The following DOK4 variants were observed in gnomAD, a reference collection of about 807,000 sequenced individuals.
The protein encoded by DOK4 is docking protein 4, also known as downstream of tyrosine kinase 4.
DOK4 carries 26 observed loss-of-function variants against 40.1 expected under a neutral mutation model. That is an observed-to-expected ratio of 0.65 (90% confidence interval 0.48 to 0.90). DOK4 has a LOEUF of 0.90. Among genes scored for constraint, DOK4 ranks in the 40% least tolerant of loss-of-function variants. The pLI is 0.00. For synonymous variants in DOK4, 179 were observed against 177.0 expected, an observed-to-expected ratio of 1.01 and a Z score of -0.09; for missense variants, 392 against 437.2, an observed-to-expected ratio of 0.90 and a Z score of 0.92.
rs1346437625 is a variant in DOK4 at position 57,485,855 on chromosome 16, G to T, written c.-182+450C>A. Among the ~76,000 whole-genome samples the T allele has an allele frequency of 6.6e-6, 1 of 152,186 alleles. No individual in the cohort carries two copies. The highest frequency in any genetic ancestry group is 1.5e-5 in the Non-Finnish European group (1 of 68,034). ...CCATAGGCAGGAGGGGGTCGGCAGTGGGGGCCAGCTGGGGTACAGAAAATC... is the reference window on the plus strand; with the variant it reads ...CCATAGGCAGGAGGGGGTCGGCAGTTGGGGCCAGCTGGGGTACAGAAAATC... On this transcript the variant is annotated intron_variant, in intron 1 of 8. Transcript: ENST00000340099. This position sits in a 1 kb window ranked among gnomAD's most constrained non-coding sequence, Gnocchi z 4.3.
At chr16:57,482,821 G>T (rs1275496846) in intron 1 of DOK4, among the ~76,000 whole-genome samples, 2 of 152,170 alleles carry the variant, frequency 1.3e-5, no homozygotes, top group African/African-American at 4.8e-5. Context: ...AGGGCTGTGT[G>T]TATGTATATA....
At chr16:57,482,310 T>C (rs1396158115) in intron 1 of DOK4, among the ~76,000 whole-genome samples, 1 of 150,178 alleles carries the variant, frequency 6.7e-6, no homozygotes, top group Non-Finnish European at 1.5e-5. Context: ...CGCAGGTACA[T>C]ACCACCATGC....
At chr16:57,475,693 TCTCCCTCC>T in intron 3 of DOK4, 73 bp from the exon 4 acceptor site, 1 of 480,480 alleles carries the variant, frequency 2.1e-6, no homozygotes, top group Non-Finnish European at 3.5e-6. Flanking sequence ...TCTCTCTCTC[TCTCCCTCC>T]CTCCCTCTCT....
intron 2 of DOK4, among the ~76,000 whole-genome samples, chr16:57,477,333 A>G (rs1288035028): frequency 2.0e-5 from 3 of 152,160 alleles, no homozygotes; most frequent in Admixed American, 6.5e-5. Context: ...TGTCCTACCC[A>G]CCTAAACCAC....
chr16:57,482,065 C>T lies in DOK4; in HGVS notation c.-181-2377G>A, dbSNP rs1375962467. On this transcript the variant is annotated intron_variant, in intron 1 of 8. Coordinates refer to ENST00000340099, the Ensembl canonical transcript of DOK4. ...ATTTTTAGTAGAGACGGGGTTTCAC[C>T]GTGTTAGCCAGGATGGTCTCGATCT... 3.3e-5 allele frequency among the ~76,000 whole-genome samples: 5 copies of T among 152,106 alleles called. No homozygotes were observed. In the East Asian group the frequency reaches 5.8e-4, roughly 18 times the overall value.
chr16:57,475,371 G>A, intron 4 of DOK4, 135 bp downstream of exon 4: 1 of 1,419,424 alleles, frequency 7.0e-7, no homozygotes, highest in Non-Finnish European at 9.6e-7. Context: ...CCTGCTCCCT[G>A]AAAGCACCCC....
rs565711800 is a variant in DOK4, at chr16:57,474,758, T to C, written c.599+35A>G. ...GTGAATGGCAGCCACCATCACACCATAGTAGGACAGGGCTGGGAGGCGAGA... is the reference window on the plus strand; with the variant it reads ...GTGAATGGCAGCCACCATCACACCACAGTAGGACAGGGCTGGGAGGCGAGA... On this transcript the variant is annotated intron_variant, in intron 6 of 8. Transcript: ENST00000340099. 8.1e-6 allele frequency: 13 copies of C among 1,605,976 alleles called. No individual in the cohort carries two copies. In the South Asian group the frequency reaches 1.3e-4, roughly 16 times the overall value.
rs1366587542 is a variant in DOK4 at position 57,472,008 on chromosome 16, T to G, written c.*1369A>C. ...TGGCAATAAAGAGCACAACATAATCTCCTTCATGCGTCATCGTGCCACTTA... is the reference window on the plus strand; with the variant it reads ...TGGCAATAAAGAGCACAACATAATCGCCTTCATGCGTCATCGTGCCACTTA... On this transcript the variant is annotated 3_prime_UTR_variant, in exon 9 of 9. Coordinates refer to ENST00000340099, the Ensembl canonical transcript of DOK4. 2.0e-5 allele frequency: 3 copies of G among 152,796 alleles called. No individual in the cohort carries two copies. In the East Asian group the frequency reaches 5.8e-4, roughly 29 times the overall value. The allele number at this position is 152,796 out of a possible 1,614,324, so 9.5% of individuals were successfully genotyped here.
chr16:57,479,292 C>A lies in DOK4; in HGVS notation c.66+150G>T. 1.2e-6 allele frequency: 1 copy of A among 839,962 alleles called. No homozygotes were observed. The highest frequency in any genetic ancestry group is 1.7e-5 in the South Asian group (1 of 58,366). 52.0% of individuals were successfully genotyped at this position (839,962 alleles called of 1,614,324 possible). A position where few individuals can be genotyped will look rare whatever the true frequency, so the allele number is the denominator to read the frequency against. ...CAGCCCAGGCACATGCCAGGCAGCA[C>A]GCTGGCGAGGAGCCCCGAGACCACA... On this transcript the variant is annotated intron_variant, in intron 2 of 8. Coordinates refer to ENST00000340099, the Ensembl canonical transcript of DOK4. This position sits in a 1 kb window ranked among gnomAD's most constrained non-coding sequence, Gnocchi z 5.8.
Position 57,475,091 on chromosome 16 carries a change from C to G in DOK4, c.409+9G>C. The G allele has an allele frequency of 2.5e-6, 4 of 1,612,538 alleles. No homozygotes were observed. Among genetic ancestry groups the G allele is most frequent in the South Asian group, 1.1e-5 (1 of 90,936 alleles). On this transcript the variant is annotated intron_variant, in intron 5 of 8. Transcript: ENST00000340099. ...CCTCCCCACCCCCAGGGCCAGGGCC[C>G]GGCCTCACCTGTCTGTTCACACTGC...
rs376338750 is a variant in DOK4, at chr16:57,479,538, T to C, written c.-31A>G. ...TCCCACCTTTTAGGGGCGCGGGGCCTGGCAGAGGCGAGGGGAAGGATGCCC... is the reference window on the plus strand; with the variant it reads ...TCCCACCTTTTAGGGGCGCGGGGCCCGGCAGAGGCGAGGGGAAGGATGCCC... On this transcript the variant is annotated 5_prime_UTR_variant, in exon 2 of 9. Transcript: ENST00000340099. The surrounding 1 kb of genome is among the most constrained non-coding windows in gnomAD (Gnocchi z 5.8). 17 of 1,611,566 alleles carry C rather than the reference T, an allele frequency of 1.1e-5. No individual in the cohort carries two copies. The highest frequency in any genetic ancestry group is 1.3e-5 in the Non-Finnish European group (15 of 1,179,244).
exon 9 of DOK4, chr16:57,473,451 G>A (rs2030972094): frequency 6.2e-7 from 1 of 1,613,990 alleles, no homozygotes. Flanking sequence ...AATCTGTTGA[G>A]GAGGTCTGTT....
chr16:57,486,652 C>A (rs112801028), upstream of DOK4, among the ~76,000 whole-genome samples: 1,835 of 152,054 alleles, frequency 0.012, 45 homozygotes, highest in African/African-American at 0.043. Flanking sequence ...CCGGTACCCC[C>A]AGCTCATTCC....
chr16:57,473,679 G>A, exon 8 of DOK4: 1 of 1,614,232 alleles, frequency 6.2e-7, no homozygotes, highest in Non-Finnish European at 8.5e-7. Flanking sequence ...GCACTGCGCG[G>A]CAGCATGGTC....
chr16:57,482,297 G>A (rs1344308286), intron 1 of DOK4, among the ~76,000 whole-genome samples: 4 of 151,630 alleles, frequency 2.6e-5, no homozygotes, highest in Non-Finnish European at 1.5e-5. Context: ...GAATAGCTGG[G>A]ACCGCAGGTA....
At chr16:57,486,490 C>G (rs1348370184) in exon 1 of DOK4, 12 of 151,916 alleles carry the variant, frequency 7.9e-5, no homozygotes, top group African/African-American at 2.4e-4. Flanking sequence ...CCGGCTGGGA[C>G]TCCGCTCCGC....
At chr16:57,475,853 G>A (rs776421773) in exon 3 of DOK4, 2 of 1,610,878 alleles carry the variant, frequency 1.2e-6, no homozygotes, top group South Asian at 2.2e-5. Flanking sequence ...TCCTAACCTT[G>A]GGGCAGCCCC....
Position 57,475,178 on chromosome 16 carries a change from A to G in DOK4, c.331T>C (p.Cys111Arg), listed in dbSNP as rs28605507. The G allele has an allele frequency of 2.5e-6, 4 of 1,613,564 alleles. No homozygotes were observed. In the South Asian group the frequency reaches 4.4e-5, roughly 18 times the overall value. ...ATGTCGTTGAGGCGGGACCCCAGAC[A>G]CTCCACAGATAGTGTCTTGTACCAC... is the stretch of plus-strand genomic sequence containing the variant. The change falls in exon 5 of 9, where the codon TGT becomes CGT. Residue 111 changes from cysteine (C) to arginine (R), a missense_variant. Cys to Arg is a radical substitution (Grantham distance 180). Coordinates refer to ENST00000340099, the Ensembl canonical transcript of DOK4.
chr16:57,476,006 C>G (rs376199883), intron 2 of DOK4, 49 bp from the exon 3 acceptor site: 4 of 1,493,370 alleles, frequency 2.7e-6, no homozygotes, highest in East Asian at 2.4e-5. Context: ...CACTCCCACC[C>G]CACCAGCATG....
Sources: gnomAD v4.1 joint callset for allele counts (sites outside exome capture counted in the v4.1 genomes callset) on GRCh38, gnomAD v4.1.1 for gene constraint, Gnocchi (gnomAD v3.1) non-coding constraint, MANE v1.5 for transcripts, NCBI Gene and HGNC (gene_info 2026-07-23, HGNC 2026-07-21) for gene names.